Variants in SRRM3 observed in about 807,000 individuals in gnomAD.
The protein encoded by SRRM3 is serine/arginine repetitive matrix protein 3.
SRRM3 carries 27 observed loss-of-function variants against 66.2 expected under a neutral mutation model. The observed-to-expected ratio is 0.41, with a 90% CI of 0.30 to 0.56. SRRM3 has a LOEUF of 0.56. Among genes scored for constraint, SRRM3 ranks in the 20% least tolerant of loss-of-function variants. The pLI is 0.32. For missense variants in SRRM3, 918 were observed against 991.9 expected, an observed-to-expected ratio of 0.93 and a Z score of 1.00; for synonymous variants, 391 against 414.9, an observed-to-expected ratio of 0.94 and a Z score of 0.70.
chr7:76,231,236 A>G (rs1801007807), intron 1 of SRRM3, among the ~76,000 whole-genome samples: 1 of 152,052 alleles, frequency 6.6e-6, no homozygotes, highest in African/African-American at 2.4e-5. Flanking sequence ...TGCCTCTCCA[A>G]CTCACCAGGT....
chr7:76,283,136 G>A, intron 14 of SRRM3, 35 bp downstream of exon 14: 3 of 1,375,322 alleles, frequency 2.2e-6, no homozygotes, highest in Non-Finnish European at 2.8e-6. Flanking sequence ...GTGGCGCAGG[G>A]CTGGGGCCGC....
chr7:76,261,541 T>C lies in SRRM3; in HGVS notation c.639-5T>C. 1 of 1,610,462 alleles carries C rather than the reference T, an allele frequency of 6.2e-7. No homozygotes were observed. The highest frequency in any genetic ancestry group is 8.5e-7 in the Non-Finnish European group (1 of 1,178,224). The stretch of plus-strand genomic sequence containing the variant: ...GCTCAAGAGAACTCCTTTATCGCCC[T>C]ACAGGTCTGATTCTGGGTCCCGGAG... On this transcript the variant is annotated splice_region_variant and splice_polypyrimidine_tract_variant and intron_variant, in intron 7 of 14. Coordinates refer to ENST00000611745, the MANE Select transcript of SRRM3 (RefSeq NM_001110199.3).
In SRRM3 at chr7:76,266,026, G is replaced by A. The variant is rs1357176993; in HGVS notation, c.830+558G>A. Reference sequence around the variant, plus strand: ...TGGGACTACAGGCGCCCGCCACTACGCCCGGCTAATTTTTTGTATTTTTAG... The same window carrying A: ...TGGGACTACAGGCGCCCGCCACTACACCCGGCTAATTTTTTGTATTTTTAG... On this transcript the variant is annotated intron_variant, in intron 10 of 14. Coordinates refer to ENST00000611745, the MANE Select transcript of SRRM3 (RefSeq NM_001110199.3). Among the ~76,000 whole-genome samples the A allele has an allele frequency of 1.7e-4, 13 of 77,264 alleles. 2 individuals are homozygous for A. Among genetic ancestry groups the A allele is most frequent in the East Asian group, 9.6e-4 (2 of 2,094 alleles). The allele number at this position is 77,264 out of a possible 152,430, so 50.7% of individuals were successfully genotyped here. A position where few individuals can be genotyped will look rare whatever the true frequency, so the allele number is the denominator to read the frequency against.
At chr7:76,261,295 TTCCAG>T in intron 6 of SRRM3, 52 bp from the exon 7 acceptor site, 1 of 404,400 alleles carries the variant, frequency 2.5e-6, no homozygotes, top group Non-Finnish European at 4.9e-6. Flanking sequence ...CTCCAGCCAT[TTCCAG>T]CCCCCCACCC....
At chr7:76,267,525 A>G (rs1583929554) in intron 11 of SRRM3, 90 bp downstream of exon 11, 1 of 155,754 alleles carries the variant, frequency 6.4e-6, no homozygotes, top group Non-Finnish European at 1.0e-5. Context: ...GGGGGCGATA[A>G]GTGTGGCATG....
At chr7:76,212,871 C>G (rs961560356) in intron 1 of SRRM3, among the ~76,000 whole-genome samples, 1 of 152,076 alleles carries the variant, frequency 6.6e-6, no homozygotes, top group Non-Finnish European at 1.5e-5. Flanking sequence ...CTGGAATGCC[C>G]TTCCTCCCTC....
intron 6 of SRRM3, among the ~76,000 whole-genome samples, chr7:76,261,115 AG>A (rs113309034): frequency 0.074 from 11,295 of 151,926 alleles, 1,124 homozygotes; most frequent in African/African-American, 0.23. Flanking sequence ...CCACAATGCC[AG>A]GGGGGACATT....
intron 1 of SRRM3, among the ~76,000 whole-genome samples, chr7:76,227,674 G>A (rs782321323): frequency 1.2e-4 from 18 of 152,262 alleles, no homozygotes; most frequent in Admixed American, 2.0e-4. Context: ...GAACCAGCCT[G>A]TGAGCTTCTA....
At chr7:76,278,266 C>G (rs1249689995) in intron 11 of SRRM3, among the ~76,000 whole-genome samples, 2 of 152,062 alleles carry the variant, frequency 1.3e-5, no homozygotes, top group East Asian at 3.9e-4. Flanking sequence ...GCAGGTGGAT[C>G]ACCTGAGGTC....
intron 1 of SRRM3, among the ~76,000 whole-genome samples, chr7:76,225,639 T>C (rs566772894): frequency 1.3e-5 from 2 of 152,106 alleles, no homozygotes; most frequent in Non-Finnish European, 2.9e-5. Flanking sequence ...CCCAGTGCTC[T>C]GGGAAGCCAA....
intron 3 of SRRM3, among the ~76,000 whole-genome samples, chr7:76,256,744 T>G (rs555335409): frequency 1.3e-5 from 2 of 150,222 alleles, no homozygotes; most frequent in South Asian, 4.3e-4. Flanking sequence ...AGTTTCATCC[T>G]TTTTGCCCAG....
At chr7:76,269,754 TTC>T (rs1802163054) in intron 11 of SRRM3, 1 of 99,962 alleles carries the variant, frequency 1.0e-5, no homozygotes. Context: ...TCCTTTTCCT[TTC>T]TTTTTTTTTT....
chr7:76,232,125 C>A (rs1257440249), intron 1 of SRRM3, among the ~76,000 whole-genome samples: 1 of 152,164 alleles, frequency 6.6e-6, no homozygotes, highest in Non-Finnish European at 1.5e-5. Context: ...CAGCCCCGGG[C>A]GCATTGAGCT....
chr7:76,217,850 T>G (rs549447871), intron 1 of SRRM3, among the ~76,000 whole-genome samples: 1 of 152,324 alleles, frequency 6.6e-6, no homozygotes, highest in East Asian at 1.9e-4. Flanking sequence ...GTCGGGCCTT[T>G]GTCCACCTTG....
In SRRM3 at chr7:76,281,445, C is replaced by T. The variant is rs1320059720; in HGVS notation, c.1013C>T (p.Pro338Leu). The T allele has an allele frequency of 2.4e-6, 3 of 1,237,066 alleles. No homozygotes were observed. Among genetic ancestry groups the T allele is most frequent in the Non-Finnish European group, 3.0e-6 (3 of 984,770 alleles). 76.6% of individuals were successfully genotyped at this position (1,237,066 alleles called of 1,614,324 possible). A position where few individuals can be genotyped will look rare whatever the true frequency, so the allele number is the denominator to read the frequency against. ...GTCTGCCTCTCTCCCCGTCAGAAGC[C>T]CAGCTCGCCCTCGCCCAGGGTCCGT... ...PGSAHSPPDKPSSPSPRVRDK... is the reference protein window; with the variant it reads ...PGSAHSPPDKLSSPSPRVRDK... The change falls in exon 12 of 15, where the codon CCC (proline) becomes CTC (leucine). Residue 338 changes from proline to leucine, a missense_variant. By Grantham distance (98) the Pro-to-Leu change is moderately conservative. Transcript: ENST00000611745.
intron 3 of SRRM3, among the ~76,000 whole-genome samples, chr7:76,259,481 G>A (rs1801799310): frequency 6.6e-6 from 1 of 151,886 alleles, no homozygotes; most frequent in Non-Finnish European, 1.5e-5. Context: ...AGAGGCTGAG[G>A]AGGAAGGATC....
chr7:76,261,087 G>T lies in SRRM3; in HGVS notation c.575+184G>T, dbSNP rs528164167. Among the ~76,000 whole-genome samples the T allele has an allele frequency of 5.9e-5, 9 of 151,942 alleles. No individual in the cohort carries two copies. The East Asian group carries it at 1.7e-3, about 29-fold the overall frequency. ...CACCGTTGGAGCCTCTGACTTCTGGGTTTGAAACTATCTTTGCCCACAATG... is the reference window on the plus strand; with the variant it reads ...CACCGTTGGAGCCTCTGACTTCTGGTTTTGAAACTATCTTTGCCCACAATG... On this transcript the variant is annotated intron_variant, in intron 6 of 14. Transcript: ENST00000611745.
At chr7:76,258,800 T>C (rs1274124264) in intron 3 of SRRM3, among the ~76,000 whole-genome samples, 1 of 150,082 alleles carries the variant, frequency 6.7e-6, no homozygotes, top group Non-Finnish European at 1.5e-5. Flanking sequence ...CTCACGCCTG[T>C]AATCCCAGCA....
In SRRM3 at chr7:76,286,412, T is replaced by C. The variant is rs1554612842; in HGVS notation, c.*569T>C. 1.3e-5 allele frequency: 2 copies of C among 152,712 alleles called. No homozygotes were observed. Among genetic ancestry groups the C allele is most frequent in the African/African-American group, 4.8e-5 (2 of 41,444 alleles). 9.5% of individuals were successfully genotyped at this position (152,712 alleles called of 1,614,324 possible). ...CATCCAAGCTGGGGAGCTGCATCCT[T>C]TTGAGCTGGCTGCAGGAGGACCCTG... is the stretch of plus-strand genomic sequence containing the variant. On this transcript the variant is annotated 3_prime_UTR_variant, in exon 15 of 15. Transcript: ENST00000611745.
Sources: allele counts gnomAD v4.1 joint callset (sites outside exome capture counted in the v4.1 genomes callset), GRCh38; gene constraint gnomAD v4.1.1; transcripts MANE v1.5; gene names NCBI Gene and HGNC (gene_info 2026-07-23, HGNC 2026-07-21).